Variants in DCLK2 observed in about 807,000 individuals in gnomAD.
The protein encoded by DCLK2 is serine/threonine-protein kinase DCLK2.
In DCLK2, 31 loss-of-function variants were observed where a neutral mutation model predicts 78.4. The ratio of observed to expected loss-of-function variants is 0.40; its 90% CI spans 0.30 to 0.53. DCLK2 has a LOEUF of 0.53. Ranked by LOEUF, DCLK2 falls within the 20% of genes least tolerant of loss-of-function variation. DCLK2 has a pLI of 0.61. For missense variants in DCLK2, 872 were observed against 973.7 expected (o/e 0.90, Z 1.39); for synonymous variants, 407 against 374.9 (o/e 1.09, Z -0.99).
chr4:150,084,758 G>T (rs1729530345), intron 1 of DCLK2, among the ~76,000 whole-genome samples: 1 of 152,134 alleles, frequency 6.6e-6, no homozygotes, highest in African/African-American at 2.4e-5. Context: ...ATTCTCTTGG[G>T]CAGTGATCAT....
chr4:150,249,153 TTTA>T lies in DCLK2; in HGVS notation c.1957-410_1957-408del, dbSNP rs368356203. On this transcript the variant is annotated intron_variant, in intron 14 of 15. Coordinates refer to ENST00000296550, the MANE Select transcript of DCLK2 (RefSeq NM_001040260.4). ...AAGTAGCTAAGATACCACATTTTTT[TTTA>T]TTATAAGCAATAAAGACTAACAACT... Among the ~76,000 whole-genome samples the T allele has an allele frequency of 2.3e-3, 347 of 152,276 alleles. 6 individuals carry two copies. The highest frequency in any genetic ancestry group is 8.1e-3 in the African/African-American group (335 of 41,550).
chr4:150,232,723 C>T lies in DCLK2; in HGVS notation c.1461C>T (p.Tyr487=), dbSNP rs1482708011. Residue 487 remains tyrosine (Y), a synonymous_variant, in exon 10 of 16, where the codon TAC becomes TAT. Transcript: ENST00000296550. ...ATGCAATTACTTCGTCGACCAAGTA[C>T]ACTGAGAGAGATGGCAGTGCCATGG... ...LFDAITSSTK[Y]TERDGSAMVY... is the part of the protein sequence containing the mutation. 1.9e-6 allele frequency: 3 copies of T among 1,613,894 alleles called. No homozygotes were observed. The highest frequency in any genetic ancestry group is 2.5e-6 in the Non-Finnish European group (3 of 1,179,936).
At position 150,145,675 on chromosome 4, in the gene DCLK2, C is replaced by T. The variant is rs189640068; in HGVS notation, c.756+42863C>T. Among the ~76,000 whole-genome samples the T allele has an allele frequency of 2.0e-5, 3 of 152,262 alleles. No individual in the cohort carries two copies. The East Asian group carries it at 5.8e-4, about 29-fold the overall frequency. On this transcript the variant is annotated intron_variant, in intron 2 of 15. Coordinates refer to ENST00000296550, the MANE Select transcript of DCLK2 (RefSeq NM_001040260.4). The stretch of plus-strand genomic sequence containing the variant: ...GTTATTTCACTTAGTTCTCATGACA[C>T]ATTTAAGGAGGTAGGTTGCCTTAGC...
At chr4:150,166,972 A>G (rs1297912169) in intron 2 of DCLK2, among the ~76,000 whole-genome samples, 5 of 152,214 alleles carry the variant, frequency 3.3e-5, no homozygotes, top group African/African-American at 1.2e-4. Flanking sequence ...CATGTAAAAT[A>G]GCCACTGATT....
At position 150,221,791 on chromosome 4, in the gene DCLK2, T is replaced by G; in HGVS notation, c.1241+6T>G. ...GTCAAAGAGTGTATAGACAGGTGAG[T>G]GGACAGTGAGGATAATTAATGAATA... is the stretch of plus-strand genomic sequence containing the variant. On this transcript the variant is annotated splice_donor_region_variant and intron_variant, in intron 7 of 15. Transcript: ENST00000296550. 6.7e-7 allele frequency: 1 copy of G among 1,485,864 alleles called. No homozygotes were observed. The highest frequency in any genetic ancestry group is 9.2e-7 in the Non-Finnish European group (1 of 1,084,360). The allele number at this position is 1,485,864 out of a possible 1,614,324, so 92.0% of individuals were successfully genotyped here.
chr4:150,174,605 C>A (rs901333432), intron 2 of DCLK2, among the ~76,000 whole-genome samples: 1 of 151,954 alleles, frequency 6.6e-6, no homozygotes. Context: ...AGGCGGATCA[C>A]GAGGTCAGGA....
At chr4:150,083,440 A>G (rs1052758528) in intron 1 of DCLK2, among the ~76,000 whole-genome samples, 8 of 152,176 alleles carry the variant, frequency 5.3e-5, no homozygotes, top group African/African-American at 1.9e-4. Flanking sequence ...TAAGATTGTA[A>G]AGAAATCAAG....
At chr4:150,247,462 A>G in intron 12 of DCLK2, 141 bp from the exon 13 acceptor site, 1 of 619,698 alleles carries the variant, frequency 1.6e-6, no homozygotes. Flanking sequence ...TACAAATGGA[A>G]TTGAGATACA....
In DCLK2 at chr4:150,256,686, TCTCTC is replaced by T; in HGVS notation, c.*440_*444del. On this transcript the variant is annotated 3_prime_UTR_variant, in exon 16 of 16. Coordinates refer to ENST00000296550, the MANE Select transcript of DCLK2 (RefSeq NM_001040260.4). The stretch of plus-strand genomic sequence containing the variant: ...CCCTTTCTTTTCTTTTCTCTCTCTC[TCTCTC>T]TTTTTTTTTTACGAAAGACTTAGAA... The T allele has an allele frequency of 6.3e-6, 1 of 158,960 alleles. No individual in the cohort carries two copies. Among genetic ancestry groups the T allele is most frequent in the Non-Finnish European group, 1.4e-5 (1 of 72,858 alleles). 9.8% of individuals were successfully genotyped at this position (158,960 alleles called of 1,614,324 possible). A position where few individuals can be genotyped will look rare whatever the true frequency, so the allele number is the denominator to read the frequency against.
At chr4:150,199,018 A>C (rs1295123686) in intron 4 of DCLK2, 20 of 1,582,026 alleles carry the variant, frequency 1.3e-5, no homozygotes, top group Admixed American at 3.4e-5. Flanking sequence ...TGTATACTGC[A>C]TGTGTACAGT....
rs76646158 is a variant in DCLK2, at chr4:150,099,374, G to A, written c.422-3104G>A. Among the ~76,000 whole-genome samples, 47 of 152,328 alleles carry A rather than the reference G, an allele frequency of 3.1e-4. No individual in the cohort carries two copies. In the East Asian group the frequency reaches 8.7e-3, roughly 28 times the overall value. ...GCACTCAACCTGATGGATTAACATC[G>A]AGAGTTGTAACTAACTGCCCAGGGA... On this transcript the variant is annotated intron_variant, in intron 1 of 15. Transcript: ENST00000296550.
At chr4:150,161,895 G>A (rs1449588327) in intron 2 of DCLK2, among the ~76,000 whole-genome samples, 6 of 152,162 alleles carry the variant, frequency 3.9e-5, no homozygotes. Context: ...CTTCAAGGTT[G>A]TATCTTGTAA....
chr4:150,157,055 C>CCA (rs1560819462), intron 2 of DCLK2, among the ~76,000 whole-genome samples: 1 of 151,886 alleles, frequency 6.6e-6, no homozygotes, highest in African/African-American at 2.4e-5. Flanking sequence ...CAGGCTTGAA[C>CCA]CACTGCGCAC....
At chr4:150,235,213 G>A (rs1461152889) in intron 10 of DCLK2, among the ~76,000 whole-genome samples, 1 of 152,124 alleles carries the variant, frequency 6.6e-6, no homozygotes, top group African/African-American at 2.4e-5. Context: ...CCATTTCCCA[G>A]CTCACAGATC....
intron 1 of DCLK2, among the ~76,000 whole-genome samples, chr4:150,096,124 C>T (rs1007247253): frequency 2.0e-5 from 3 of 152,100 alleles, no homozygotes; most frequent in African/African-American, 4.8e-5. Context: ...CGGGAAGAAA[C>T]GAGAGAAGGC....
intron 1 of DCLK2, among the ~76,000 whole-genome samples, chr4:150,086,120 G>T (rs1001374517): frequency 7.2e-5 from 11 of 152,278 alleles, no homozygotes; most frequent in Non-Finnish European, 1.6e-4. Flanking sequence ...CCAACAGGGG[G>T]TGGGACCACA....
intron 15 of DCLK2, among the ~76,000 whole-genome samples, chr4:150,251,851 C>T (rs1457037724): frequency 6.6e-6 from 1 of 151,060 alleles, no homozygotes; most frequent in Non-Finnish European, 1.5e-5. Context: ...TCATTCTCTT[C>T]TGTCCCCCGG....
intron 8 of DCLK2, among the ~76,000 whole-genome samples, chr4:150,230,703 C>G (rs1272427784): frequency 6.6e-6 from 1 of 152,132 alleles, no homozygotes; most frequent in East Asian, 1.9e-4. Flanking sequence ...TTTGCCAAGT[C>G]TTTTGTCTTT....
At chr4:150,184,522 A>G (rs1253633911) in intron 2 of DCLK2, among the ~76,000 whole-genome samples, 1 of 152,118 alleles carries the variant, frequency 6.6e-6, no homozygotes, top group Non-Finnish European at 1.5e-5. Flanking sequence ...GGAAAGAGTA[A>G]GAAACACAAG....
Sources: gnomAD v4.1 joint callset for allele counts (sites outside exome capture counted in the v4.1 genomes callset) on GRCh38, gnomAD v4.1.1 for gene constraint, MANE v1.5 for transcripts, NCBI Gene and HGNC (gene_info 2026-07-23, HGNC 2026-07-21) for gene names.